The following CD44 variants were observed in gnomAD, a reference collection of about 807,000 sequenced individuals.
The protein encoded by CD44 is CD44 molecule (IN blood group).
CD44 carries 49 observed loss-of-function variants against 88.8 expected under a neutral mutation model. The ratio of observed to expected loss-of-function variants is 0.55; its 90% CI spans 0.44 to 0.70. CD44 has a LOEUF of 0.70. Ranked by LOEUF, CD44 falls within the 30% of genes least tolerant of loss-of-function variation. The pLI is 0.00. For missense variants in CD44, 883 were observed against 913.8 expected, an observed-to-expected ratio of 0.97 and a Z score of 0.43; for synonymous variants, 325 against 312.3, an observed-to-expected ratio of 1.04 and a Z score of -0.43.
intron 15 of CD44, among the ~76,000 whole-genome samples, chr11:35,216,738 C>G (rs1948859070): frequency 6.6e-6 from 1 of 152,148 alleles, no homozygotes. Flanking sequence ...GGGGCATGAT[C>G]TCTAAAACCA....
chr11:35,166,680 C>A (rs552887968), intron 1 of CD44, among the ~76,000 whole-genome samples: 1 of 152,220 alleles, frequency 6.6e-6, no homozygotes, highest in Non-Finnish European at 1.5e-5. Context: ...TCCAGCCAGG[C>A]GCCAAGACGT....
At chr11:35,177,461 T>C (rs999509191) in intron 2 of CD44, among the ~76,000 whole-genome samples, 2 of 152,188 alleles carry the variant, frequency 1.3e-5, no homozygotes, top group African/African-American at 4.8e-5. Flanking sequence ...TGAATTGTTG[T>C]GGTTCGATTT....
intron 5 of CD44, among the ~76,000 whole-genome samples, chr11:35,190,938 A>G (rs956753104): frequency 6.6e-6 from 1 of 152,150 alleles, no homozygotes; most frequent in Non-Finnish European, 1.5e-5. Flanking sequence ...CTTCAGCTCC[A>G]CTGGAAAGTG....
intron 1 of CD44, among the ~76,000 whole-genome samples, chr11:35,145,436 AC>A (rs1380295300): frequency 2.0e-5 from 3 of 152,142 alleles, no homozygotes; most frequent in Non-Finnish European, 1.5e-5. Flanking sequence ...CTGACTGCCC[AC>A]CACAGGCCTC....
intron 17 of CD44, among the ~76,000 whole-genome samples, chr11:35,228,608 G>C (rs554617342): frequency 6.6e-6 from 1 of 152,324 alleles, no homozygotes; most frequent in Admixed American, 6.5e-5. Flanking sequence ...ACAGACCAGG[G>C]TTTGAATCCT....
chr11:35,207,705 G>C (rs1221039203), intron 11 of CD44, among the ~76,000 whole-genome samples: 1 of 152,174 alleles, frequency 6.6e-6, no homozygotes, highest in Non-Finnish European at 1.5e-5. Flanking sequence ...AAGTCCCTTT[G>C]GTTGGTAAGG....
intron 1 of CD44, among the ~76,000 whole-genome samples, chr11:35,143,174 T>C (rs945161040): frequency 6.6e-6 from 1 of 152,070 alleles, no homozygotes; most frequent in African/African-American, 2.4e-5. Context: ...TTTGACCATA[T>C]AGCAATGTTG....
At chr11:35,181,935 A>AATATAT (rs1565081063) in intron 3 of CD44, among the ~76,000 whole-genome samples, 1 of 46,918 alleles carries the variant, frequency 2.1e-5, no homozygotes, top group East Asian at 3.2e-4. Context: ...ATTATATATA[A>AATATAT]ATTATATATA....
intron 1 of CD44, among the ~76,000 whole-genome samples, chr11:35,173,248 C>G (rs1402500160): frequency 1.3e-5 from 2 of 152,186 alleles, no homozygotes; most frequent in African/African-American, 4.8e-5. Flanking sequence ...CCCCTATCAG[C>G]CTTATCTTCA....
chr11:35,222,621 A>C, intron 17 of CD44: 1 of 653,178 alleles, frequency 1.5e-6, no homozygotes, highest in Non-Finnish European at 1.9e-6. Context: ...ATATATACAC[A>C]TACATTATAT....
chr11:35,145,840 A>G (rs573919388), intron 1 of CD44, among the ~76,000 whole-genome samples: 75 of 152,308 alleles, frequency 4.9e-4, no homozygotes, highest in Admixed American at 1.6e-3. Flanking sequence ...TCAAGCTGTC[A>G]TCTGACCAGA....
intron 1 of CD44, among the ~76,000 whole-genome samples, chr11:35,164,650 G>GC (rs150954782): frequency 0.018 from 2,788 of 152,270 alleles, 102 homozygotes; most frequent in African/African-American, 0.064. Context: ...TATTTACCCA[G>GC]CCCAGTCTCC....
chr11:35,145,041 G>A (rs1161538446), intron 1 of CD44, among the ~76,000 whole-genome samples: 2 of 152,218 alleles, frequency 1.3e-5, no homozygotes, highest in Non-Finnish European at 2.9e-5. Flanking sequence ...TATGCACATT[G>A]CAGGTATGCC....
rs534915345 is a variant in CD44, at chr11:35,203,734, G to A, written c.1154-778G>A. On this transcript the variant is annotated intron_variant, in intron 9 of 17. Transcript: ENST00000428726. ...AAAAAAAAAAAAGAAATTGCTACAA[G>A]CTGCTATAGACAAAAATGTTGGTGT... is the stretch of plus-strand genomic sequence containing the variant. Among the ~76,000 whole-genome samples, 45 of 151,718 alleles carry A rather than the reference G, an allele frequency of 3.0e-4. No homozygotes were observed. In the South Asian group the frequency reaches 9.3e-3, roughly 31 times the overall value.
chr11:35,210,335 T>TTTTA (rs1359636153), intron 13 of CD44: 2 of 197,020 alleles, frequency 1.0e-5, no homozygotes, highest in South Asian at 1.8e-4. Flanking sequence ...ATATGATTTA[T>TTTTA]TTTATTTATT....
intron 1 of CD44, among the ~76,000 whole-genome samples, chr11:35,163,903 G>A (rs1211604419): frequency 6.6e-6 from 1 of 152,070 alleles, no homozygotes; most frequent in Admixed American, 6.5e-5. Context: ...CCCCCTGCTG[G>A]TGCAAACTTG....
Position 35,180,276 on chromosome 11 carries a change from A to C in CD44, c.236A>C (p.Tyr79Ser), listed in dbSNP as rs1361498445. 6.2e-7 allele frequency: 1 copy of C among 1,614,010 alleles called. No homozygotes were observed. The highest frequency in any genetic ancestry group is 8.5e-7 in the Non-Finnish European group (1 of 1,179,930). The change falls in exon 3 of 18, where the codon TAT (tyrosine) becomes TCT (serine). Residue 79 changes from tyrosine to serine, a missense_variant and splice_region_variant. Transcript: ENST00000428726. ...ALSIGFETCR[Y>S]GFIEGHVVIP... is the part of the protein sequence containing the mutation. ...ATCCTGTTGTTTTTCTCTTACAGGT[A>C]TGGGTTCATAGAAGGGCACGTGGTG... is the stretch of plus-strand genomic sequence containing the variant.
intron 17 of CD44, among the ~76,000 whole-genome samples, chr11:35,227,230 G>C (rs913692902): frequency 6.6e-6 from 1 of 152,090 alleles, no homozygotes; most frequent in African/African-American, 2.4e-5. Flanking sequence ...CTGTCACCCA[G>C]GCTGGAATGC....
At chr11:35,201,046 A>T (rs1947266565) in intron 7 of CD44, 36 bp from the exon 8 acceptor site, 1 of 1,458,164 alleles carries the variant, frequency 6.9e-7, no homozygotes, top group Non-Finnish European at 9.6e-7. Flanking sequence ...TCAAGAAATA[A>T]CATTTTTCTA....
Sources: allele counts gnomAD v4.1 joint callset (sites outside exome capture counted in the v4.1 genomes callset), GRCh38; gene constraint gnomAD v4.1.1; transcripts MANE v1.5; gene names NCBI Gene and HGNC (gene_info 2026-07-23, HGNC 2026-07-21).